CRBN: variants seen among roughly 807,000 people sequenced by gnomAD.
CRBN encodes the protein cereblon, also known as protein cereblon.
In CRBN, 53 loss-of-function variants were observed where a neutral mutation model predicts 62.2. The ratio of observed to expected loss-of-function variants is 0.85; its 90% CI spans 0.68 to 1.07. The LOEUF (loss-of-function observed/expected upper bound fraction) is 1.07. Among genes scored for constraint, CRBN ranks in the 50% least tolerant of loss-of-function variants. The pLI, the probability that CRBN is intolerant of heterozygous loss-of-function variation, is 0.00. For missense variants in CRBN, 616 were observed against 531.1 expected (o/e 1.16, Z -1.57); for synonymous variants, 208 against 176.1 (o/e 1.18, Z -1.43).
At chr3:3,162,867 C>A (rs1707194077) in intron 5 of CRBN, among the ~76,000 whole-genome samples, 1 of 152,276 alleles carries the variant, frequency 6.6e-6, no homozygotes, top group East Asian at 1.9e-4. Flanking sequence ...CAGATACAAG[C>A]AAGCTCTATG....
At position 3,167,683 on chromosome 3, in the gene CRBN, A is replaced by C. The variant is rs1383080251; in HGVS notation, c.638T>G (p.Val213Gly). 6.2e-7 allele frequency: 1 copy of C among 1,613,536 alleles called. No individual in the cohort carries two copies. Among genetic ancestry groups the C allele is most frequent in the Non-Finnish European group, 8.5e-7 (1 of 1,179,622 alleles). ...NKCQIFPSKP[V>G]SREDQCSYKW... Reference sequence around the variant, plus strand: ...ATATGAACATTGGTCTTCTCTTGAGACAGGTTTTGAAGGAAATATCTGGCA... The same window carrying C: ...ATATGAACATTGGTCTTCTCTTGAGCCAGGTTTTGAAGGAAATATCTGGCA... Residue 213 changes from valine to glycine, a missense_variant, in exon 5 of 11, where the codon GTC becomes GGC. By Grantham distance (109) the Val-to-Gly change is moderately radical. Transcript: ENST00000231948.
rs964819244 is a variant in CRBN at position 3,161,508 on chromosome 3, C to T, written c.688-5227G>A. On this transcript the variant is annotated intron_variant, in intron 5 of 10. Transcript: ENST00000231948. ...GGTTCCAGTGATTCTCCTGCCTCAG[C>T]GTCCCAAGTAGCTGGGATTACAGGC... Among the ~76,000 whole-genome samples the T allele has an allele frequency of 2.6e-5, 4 of 152,156 alleles. 1 individual carries two copies. The highest frequency in any genetic ancestry group is 1.3e-4 in the Admixed American group (2 of 15,284).
rs1490291207 is a variant in CRBN, at chr3:3,167,659, T to C, written c.662A>G (p.Tyr221Cys). The change falls in exon 5 of 11, where the codon TAT (tyrosine) becomes TGT (cysteine). Residue 221 changes from tyrosine (Y) to cysteine (C), a missense_variant. By Grantham distance (194) the Tyr-to-Cys change is radical. Transcript: ENST00000231948. Reference protein sequence around the residue: ...KPVSREDQCSYKWWQKYQKRK... With the variant: ...KPVSREDQCSCKWWQKYQKRK... ...CTTCTGGTATTTCTGCCACCATTTA[T>C]ATGAACATTGGTCTTCTCTTGAGAC... 6.2e-7 allele frequency: 1 copy of C among 1,613,228 alleles called. No homozygotes were observed. The highest frequency in any genetic ancestry group is 8.5e-7 in the Non-Finnish European group (1 of 1,179,448).
At position 3,176,465 on chromosome 3, in the gene CRBN, G is replaced by C. The variant is rs890771646; in HGVS notation, c.68-1196C>G. On this transcript the variant is annotated intron_variant, in intron 1 of 10. Coordinates refer to ENST00000231948, the MANE Select transcript of CRBN (RefSeq NM_016302.4). Reference sequence around the variant, plus strand: ...TATCTTAAAATGAAGGCCAGGTGTGGTGGCTCACACCTGTAATCCCAGCAC... The same window carrying C: ...TATCTTAAAATGAAGGCCAGGTGTGCTGGCTCACACCTGTAATCCCAGCAC... Among the ~76,000 whole-genome samples, 7 of 152,220 alleles carry C rather than the reference G, an allele frequency of 4.6e-5. No homozygotes were observed. In the East Asian group the frequency reaches 1.3e-3, roughly 29 times the overall value.
intron 5 of CRBN, chr3:3,167,398 G>C: frequency 2.3e-6 from 1 of 436,706 alleles, no homozygotes; most frequent in Non-Finnish European, 4.1e-6. Context: ...GATTAATATA[G>C]CTGATAAGCA....
At position 3,150,698 on chromosome 3, in the gene CRBN, A is replaced by C; in HGVS notation, c.*167T>G. 3.0e-6 allele frequency: 2 copies of C among 658,832 alleles called. No individual in the cohort carries two copies. Among genetic ancestry groups the C allele is most frequent in the South Asian group, 3.9e-5 (2 of 51,574 alleles). 40.8% of individuals were successfully genotyped at this position (658,832 alleles called of 1,614,324 possible). On this transcript the variant is annotated 3_prime_UTR_variant, in exon 11 of 11. Transcript: ENST00000231948. Reference sequence around the variant, plus strand: ...GCTTGTTTCCTAAAGTATACTTAAAAGTTTCAAATACAGTTTCACTTAGAA... The same window carrying C: ...GCTTGTTTCCTAAAGTATACTTAAACGTTTCAAATACAGTTTCACTTAGAA...
chr3:3,152,529 T>C lies in CRBN; in HGVS notation c.1075A>G (p.Thr359Ala). Residue 359 changes from threonine to alanine, a missense_variant, in exon 10 of 11, where the codon ACA (threonine) becomes GCA (alanine). Physicochemically the swap from Thr to Ala is moderately conservative, Grantham distance 58. Coordinates refer to ENST00000231948, the MANE Select transcript of CRBN (RefSeq NM_016302.4). ...TTGCAAGCCTTATACACAGTAAGTG[T>C]CTCATGCACATATCCATGAGGATTC... ...YVNPHGYVHE[T>A]LTVYKACNLN... is the part of the protein sequence containing the mutation. 1 of 1,613,662 alleles carries C rather than the reference T, an allele frequency of 6.2e-7. No homozygotes were observed. Among genetic ancestry groups the C allele is most frequent in the Non-Finnish European group, 8.5e-7 (1 of 1,179,666 alleles).
intron 8 of CRBN, 59 bp from the exon 9 acceptor site, chr3:3,153,547 A>C (rs1272560015): frequency 1.1e-6 from 1 of 903,466 alleles, no homozygotes; most frequent in African/African-American, 1.6e-5. Flanking sequence ...TTTATCATGT[A>C]ATCACATAGA....
chr3:3,167,396 T>C (rs753093206), intron 5 of CRBN: 1 of 430,428 alleles, frequency 2.3e-6, no homozygotes, highest in East Asian at 4.4e-5. Context: ...GCGATTAATA[T>C]AGCTGATAAG....
intron 5 of CRBN, among the ~76,000 whole-genome samples, chr3:3,165,055 A>G (rs963716626): frequency 6.6e-6 from 1 of 152,192 alleles, no homozygotes; most frequent in Non-Finnish European, 1.5e-5. Flanking sequence ...GAGGGTTTCA[A>G]GCCTTCAGTT....
chr3:3,172,987 T>C, intron 3 of CRBN, 62 bp from the exon 4 acceptor site: 7 of 1,265,316 alleles, frequency 5.5e-6, no homozygotes, highest in Non-Finnish European at 8.1e-6. Flanking sequence ...ATATGCAAAG[T>C]AGGCAAAGCA....
At position 3,153,878 on chromosome 3, in the gene CRBN, A is replaced by G. The variant is rs995632381; in HGVS notation, c.951+82T>C. 8 of 824,004 alleles carry G rather than the reference A, an allele frequency of 9.7e-6. No homozygotes were observed. In the African/African-American group the frequency reaches 1.2e-4, roughly 12 times the overall value. 51.0% of individuals were successfully genotyped at this position (824,004 alleles called of 1,614,324 possible). A position where few individuals can be genotyped will look rare whatever the true frequency, so the allele number is the denominator to read the frequency against. On this transcript the variant is annotated intron_variant, in intron 8 of 10. Coordinates refer to ENST00000231948, the MANE Select transcript of CRBN (RefSeq NM_016302.4). ...GACTACATTACTGGACTCTATACAG[A>G]GCTCCATTGGCCCCAACAGAGCATC...
chr3:3,177,575 T>C (rs987313794), intron 1 of CRBN, among the ~76,000 whole-genome samples: 1 of 152,236 alleles, frequency 6.6e-6, no homozygotes, highest in Admixed American at 6.5e-5. Context: ...TCTGACAGTA[T>C]GGCTATCACT....
intron 1 of CRBN, among the ~76,000 whole-genome samples, chr3:3,176,429 A>G (rs928605620): frequency 4.6e-5 from 7 of 152,224 alleles, no homozygotes; most frequent in African/African-American, 1.7e-4. Flanking sequence ...TTTCCCTGGC[A>G]GTCGCTACAT....
intron 4 of CRBN, chr3:3,172,566 T>C (rs1181026140): frequency 3.4e-6 from 2 of 586,058 alleles, no homozygotes; most frequent in Admixed American, 3.0e-5. Flanking sequence ...GGAGATGAGG[T>C]TGGAACTCAA....
chr3:3,173,453 T>C (rs1269467932), intron 3 of CRBN, among the ~76,000 whole-genome samples: 1 of 152,338 alleles, frequency 6.6e-6, no homozygotes, highest in African/African-American at 2.4e-5. Flanking sequence ...TTCTAGTCAC[T>C]GAAAATAATT....
Position 3,174,008 on chromosome 3 carries a change from C to T in CRBN, c.377+51G>A, listed in dbSNP as rs554146830. 3.4e-6 allele frequency: 5 copies of T among 1,465,880 alleles called. No homozygotes were observed. In the East Asian group the frequency reaches 9.0e-5, roughly 27 times the overall value. The allele number at this position is 1,465,880 out of a possible 1,614,324, so 90.8% of individuals were successfully genotyped here. On this transcript the variant is annotated intron_variant, in intron 3 of 10. Coordinates refer to ENST00000231948, the MANE Select transcript of CRBN (RefSeq NM_016302.4). ...GCTTTGGCTTCAACACTGACCACTG[C>T]AATTACCCATGAGAGGGAATGTATT...
At chr3:3,176,157 A>G (rs1296693227) in intron 1 of CRBN, among the ~76,000 whole-genome samples, 1 of 152,138 alleles carries the variant, frequency 6.6e-6, no homozygotes, top group East Asian at 1.9e-4. Flanking sequence ...ATTCTTCTAT[A>G]TGGGAGATTT....
At chr3:3,160,303 G>C (rs1707083700) in intron 5 of CRBN, among the ~76,000 whole-genome samples, 1 of 152,186 alleles carries the variant, frequency 6.6e-6, no homozygotes, top group East Asian at 1.9e-4. Flanking sequence ...CCTTTATATA[G>C]TGACTAAAAG....
Sources: allele counts gnomAD v4.1 joint callset (sites outside exome capture counted in the v4.1 genomes callset), GRCh38; gene constraint gnomAD v4.1.1; transcripts MANE v1.5; gene names NCBI Gene and HGNC (gene_info 2026-07-23, HGNC 2026-07-21).